Variants in WDHD1 observed in about 807,000 individuals in gnomAD.
The protein encoded by WDHD1 is WD repeat and HMG-box DNA-binding protein 1.
Under a neutral mutation model 135.4 loss-of-function variants are expected in WDHD1, and 111 were observed. The observed-to-expected ratio is 0.82, with a 90% CI of 0.70 to 0.96. The LOEUF (loss-of-function observed/expected upper bound fraction) is 0.96, where lower values mean the gene tolerates loss of function less well. Among genes scored for constraint, WDHD1 ranks in the 40% least tolerant of loss-of-function variants. The pLI is 0.00. For synonymous variants in WDHD1, 434 were observed against 439.0 expected (o/e 0.99, Z 0.14); for missense variants, 1,351 against 1,336.3 (o/e 1.01, Z -0.17).
At chr14:54,951,973 G>A (rs2041064235) in intron 24 of WDHD1, among the ~76,000 whole-genome samples, 1 of 152,134 alleles carries the variant, frequency 6.6e-6, no homozygotes, top group African/African-American at 2.4e-5. Context: ...AATAAATTAG[G>A]TATTGATGGG....
chr14:54,996,681 G>A (rs375617546), intron 10 of WDHD1, among the ~76,000 whole-genome samples: 63 of 152,278 alleles, frequency 4.1e-4, no homozygotes, highest in East Asian at 3.1e-3. Flanking sequence ...ACTCCTATAG[G>A]ATGCATAAAA....
chr14:54,967,793 G>A (rs1280863009), intron 16 of WDHD1, among the ~76,000 whole-genome samples: 3 of 152,080 alleles, frequency 2.0e-5, no homozygotes, highest in African/African-American at 4.8e-5. Flanking sequence ...GCTAACTTTT[G>A]TATTTTCAGT....
rs899027515 is a variant in WDHD1 at position 54,989,217 on chromosome 14, A to C, written c.1342-5T>G. ...AATTCCAATAGAGTTCCACACCTAC[A>C]AACAGGTAAGATTAAATATAAGTCT... On this transcript the variant is annotated splice_polypyrimidine_tract_variant and splice_region_variant and intron_variant, in intron 12 of 25. Transcript: ENST00000360586. The C allele has an allele frequency of 6.2e-7, 1 of 1,608,100 alleles. No individual in the cohort carries two copies.
rs2041708283 is a variant in WDHD1, at chr14:54,987,238, A to G, written c.1676T>C (p.Ile559Thr). ...TSALLLRLFT[I>T]GGVQKEVFSL... is the part of the protein sequence containing the mutation. ...GAATACCTCTTTTTGAACCCCTCCA[A>G]TAGTAAACAATCGAAGAAGCAGGGC... is the stretch of plus-strand genomic sequence containing the variant. Residue 559 changes from isoleucine to threonine, a missense_variant, in exon 14 of 26, where the codon ATT becomes ACT. By Grantham distance (89) the Ile-to-Thr change is moderately conservative (BLOSUM62 -1). Transcript: ENST00000360586. The G allele has an allele frequency of 1.2e-6, 2 of 1,614,010 alleles. No homozygotes were observed. Among genetic ancestry groups the G allele is most frequent in the Non-Finnish European group, 1.7e-6 (2 of 1,180,020 alleles).
chr14:55,015,050 TAG>T (rs2042236941), intron 2 of WDHD1, among the ~76,000 whole-genome samples: 1 of 152,152 alleles, frequency 6.6e-6, no homozygotes, highest in African/African-American at 2.4e-5. Flanking sequence ...CTCCCTTCTA[TAG>T]AGAGTAGATA....
Position 54,962,827 on chromosome 14 carries a change from C to A in WDHD1, c.2558G>T (p.Ser853Ile). 1 of 1,612,848 alleles carries A rather than the reference C, an allele frequency of 6.2e-7. No homozygotes were observed. ...AGYSNTATEW[S>I]QPRFRNQVEE... ...AACTTGATTTCTGAACCTTGGTTGG[C>A]TCCACTCTGTAGCAGTATTGCTGTA... The change falls in exon 20 of 26, where the codon AGC becomes ATC. Residue 853 changes from serine to isoleucine, a missense_variant. This residue lies in a region of WDHD1 where 1,330 missense variants were observed against 1,296.1 expected (regional missense o/e 1.03). Transcript: ENST00000360586.
intron 23 of WDHD1, among the ~76,000 whole-genome samples, chr14:54,955,971 C>T (rs1353224329): frequency 3.4e-5 from 5 of 147,962 alleles, no homozygotes; most frequent in Admixed American, 6.9e-5. Flanking sequence ...TATCTCGGCT[C>T]ACTGCAACCT....
intron 24 of WDHD1, among the ~76,000 whole-genome samples, chr14:54,948,072 G>T (rs1045873851): frequency 6.6e-6 from 1 of 151,784 alleles, no homozygotes; most frequent in African/African-American, 2.4e-5. Flanking sequence ...AAAATTAAGC[G>T]GTTCCAAGAT....
chr14:55,008,501 A>G, intron 5 of WDHD1, 107 bp downstream of exon 5: 6 of 1,434,338 alleles, frequency 4.2e-6, no homozygotes, highest in Non-Finnish European at 4.7e-6. Context: ...TGAATAAAAC[A>G]AAGGTTGAAA....
At chr14:54,974,420 G>C (rs184014420) in intron 16 of WDHD1, among the ~76,000 whole-genome samples, 18 of 148,890 alleles carry the variant, frequency 1.2e-4, no homozygotes, top group Admixed American at 1.1e-3. Context: ...GCAACAGAGA[G>C]AGATTCTGTC....
At chr14:54,997,038 C>T (rs1480540543) in intron 10 of WDHD1, among the ~76,000 whole-genome samples, 2 of 150,790 alleles carry the variant, frequency 1.3e-5, no homozygotes, top group African/African-American at 4.9e-5. Context: ...GATCCACCCG[C>T]CTCAGACTCC....
intron 16 of WDHD1, among the ~76,000 whole-genome samples, chr14:54,980,649 C>T (rs1373503237): frequency 1.3e-5 from 2 of 151,756 alleles, no homozygotes; most frequent in Non-Finnish European, 2.9e-5. Context: ...ACTAAAAATA[C>T]AAAAATTAGC....
chr14:55,001,977 A>G, intron 8 of WDHD1, 116 bp downstream of exon 8: 1 of 723,514 alleles, frequency 1.4e-6, no homozygotes, highest in Non-Finnish European at 2.4e-6. Context: ...TGGACCACAT[A>G]CAACAGCCAG....
chr14:55,026,589 T>C, intron 2 of WDHD1, 122 bp downstream of exon 2: 1 of 958,860 alleles, frequency 1.0e-6, no homozygotes, highest in Non-Finnish European at 1.6e-6. Flanking sequence ...ATGTGTGCCA[T>C]TTTAGATTTC....
chr14:54,943,189 C>G (rs2040866264), intron 25 of WDHD1, among the ~76,000 whole-genome samples: 1 of 152,170 alleles, frequency 6.6e-6, no homozygotes, highest in Non-Finnish European at 1.5e-5. Flanking sequence ...TTGTGCCTTC[C>G]TTCCTTCACA....
intron 16 of WDHD1, among the ~76,000 whole-genome samples, chr14:54,980,559 TTG>T (rs2041600744): frequency 6.6e-6 from 1 of 151,464 alleles, no homozygotes; most frequent in South Asian, 2.1e-4. Flanking sequence ...TGCCTGTACT[TTG>T]GGTGGATCAC....
chr14:54,966,620 T>G lies in WDHD1; in HGVS notation c.2179-14A>C, dbSNP rs781334083. ...CCAAAATTGCTCCTATAAAAGCAAA[T>G]AAAATTGCTTAAGGCCAACTATCAC... On this transcript the variant is annotated splice_polypyrimidine_tract_variant and intron_variant, in intron 17 of 25. Coordinates refer to ENST00000360586, the MANE Select transcript of WDHD1 (RefSeq NM_007086.4). 20 of 1,593,898 alleles carry G rather than the reference T, an allele frequency of 1.3e-5. No individual in the cohort carries two copies. Among genetic ancestry groups the G allele is most frequent in the Non-Finnish European group, 8.5e-7 (1 of 1,173,086 alleles).
intron 25 of WDHD1, among the ~76,000 whole-genome samples, chr14:54,942,549 C>T (rs2040856717): frequency 6.6e-6 from 1 of 152,100 alleles, no homozygotes; most frequent in Non-Finnish European, 1.5e-5. Context: ...TTCCCCAAGC[C>T]CCAACTCCGA....
intron 18 of WDHD1, among the ~76,000 whole-genome samples, chr14:54,964,437 G>A (rs376299936): frequency 9.2e-5 from 14 of 152,148 alleles, no homozygotes; most frequent in East Asian, 3.9e-4. Context: ...TCAGGAGATC[G>A]AGACCATACT....
Sources: allele counts gnomAD v4.1 joint callset (sites outside exome capture counted in the v4.1 genomes callset), GRCh38; gene constraint gnomAD v4.1.1; regional missense constraint gnomAD v4.1.1; transcripts MANE v1.5; gene names NCBI Gene and HGNC (gene_info 2026-07-23, HGNC 2026-07-21).